The following RGS7 variants were observed in gnomAD, a reference collection of about 807,000 sequenced individuals.
RGS7 encodes regulator of G protein signaling 7, also known as regulator of G-protein signaling 7.
RGS7 carries 27 observed loss-of-function variants against 81.1 expected under a neutral mutation model. That is an observed-to-expected ratio of 0.33 (90% CI 0.25 to 0.46). The LOEUF (loss-of-function observed/expected upper bound fraction) is 0.46, where lower values mean the gene tolerates loss of function less well. Ranked by LOEUF, RGS7 falls within the 20% of genes least tolerant of loss-of-function variation. The pLI, the probability that RGS7 is intolerant of heterozygous loss-of-function variation, is 1.00. For synonymous variants in RGS7, 208 were observed against 207.7 expected, an observed-to-expected ratio of 1.00 and a Z score of -0.01; for missense variants, 396 against 607.4, an observed-to-expected ratio of 0.65 and a Z score of 3.66.
chr1:240,993,113 GGGAAGGAA>G (rs369066835), intron 3 of RGS7, among the ~76,000 whole-genome samples: 15 of 128,570 alleles, frequency 1.2e-4, no homozygotes, highest in East Asian at 2.3e-4. Flanking sequence ...GAGGGAGGGA[GGGAAGGAA>G]GGAAGGAAGG....
intron 2 of RGS7, among the ~76,000 whole-genome samples, chr1:241,173,042 T>C (rs1341849551): frequency 6.6e-6 from 1 of 152,206 alleles, no homozygotes; most frequent in Non-Finnish European, 1.5e-5. Context: ...CACCTTGGTA[T>C]CTTCAATACA....
intron 2 of RGS7, among the ~76,000 whole-genome samples, chr1:241,148,924 C>T (rs954672230): frequency 2.0e-5 from 3 of 152,200 alleles, no homozygotes; most frequent in Non-Finnish European, 4.4e-5. Context: ...CTATGTATTT[C>T]GTTAATGAGC....
At position 241,193,499 on chromosome 1, in the gene RGS7, A is replaced by G. The variant is rs149516893; in HGVS notation, c.79-94737T>C. On this transcript the variant is annotated intron_variant, in intron 2 of 18. Transcript: ENST00000440928. ...GTGTCTCATCTAGCTGATATTATCA[A>G]TCAATTCATCCTGCCTGAATTTATA... Among the ~76,000 whole-genome samples, 109 of 152,370 alleles carry G rather than the reference A, an allele frequency of 7.2e-4. 1 individual carries two copies. The highest frequency in any genetic ancestry group is 2.3e-3 in the African/African-American group (96 of 41,598).
intron 3 of RGS7, among the ~76,000 whole-genome samples, chr1:241,061,375 A>G (rs572516727): frequency 6.6e-6 from 1 of 152,368 alleles, no homozygotes; most frequent in African/African-American, 2.4e-5. Flanking sequence ...CACTGAGGAC[A>G]TCAAGAAAAA....
At chr1:241,041,944 G>A (rs750202989) in intron 3 of RGS7, among the ~76,000 whole-genome samples, 1 of 152,094 alleles carries the variant, frequency 6.6e-6, no homozygotes, top group South Asian at 2.1e-4. Flanking sequence ...CTAGAGCATC[G>A]TGGGCTGGCT....
chr1:241,181,828 A>G (rs2071644232), intron 2 of RGS7, among the ~76,000 whole-genome samples: 1 of 152,120 alleles, frequency 6.6e-6, no homozygotes, highest in African/African-American at 2.4e-5. Flanking sequence ...CCTCCCAAGT[A>G]GCTGGGACTA....
At chr1:241,288,001 T>A (rs1170842790) in intron 2 of RGS7, among the ~76,000 whole-genome samples, 1 of 152,250 alleles carries the variant, frequency 6.6e-6, no homozygotes, top group Admixed American at 6.5e-5. Context: ...TTTTCCCATC[T>A]GGACTAACTG....
intron 2 of RGS7, among the ~76,000 whole-genome samples, chr1:241,339,929 G>T (rs887253400): frequency 6.6e-6 from 1 of 152,060 alleles, no homozygotes; most frequent in African/African-American, 2.4e-5. Context: ...AGGACAGAAA[G>T]GTTTATCACA....
At chr1:241,140,875 G>T (rs2067875396) in intron 2 of RGS7, among the ~76,000 whole-genome samples, 1 of 152,130 alleles carries the variant, frequency 6.6e-6, no homozygotes, top group Admixed American at 6.5e-5. Flanking sequence ...AGTTTCTTCA[G>T]ACATATTTGA....
intron 2 of RGS7, among the ~76,000 whole-genome samples, chr1:241,193,534 T>C (rs765766007): frequency 6.6e-6 from 1 of 152,212 alleles, no homozygotes; most frequent in African/African-American, 2.4e-5. Flanking sequence ...AACACCACAT[T>C]TGGATATAGT....
At position 241,023,735 on chromosome 1, in the gene RGS7, TATTGATTG is replaced by T. The variant is rs139919207; in HGVS notation, c.176-40614_176-40607del. 2.2e-4 allele frequency among the ~76,000 whole-genome samples: 34 copies of T among 152,246 alleles called. No homozygotes were observed. In the East Asian group the frequency reaches 6.4e-3, roughly 29 times the overall value. On this transcript the variant is annotated intron_variant, in intron 3 of 18. Transcript: ENST00000440928. The stretch of plus-strand genomic sequence containing the variant: ...ATTTTTGTTTTTACAATGCTTTTCA[TATTGATTG>T]ATTGATTGATTGATTGATCAAGATG...
rs375343440 is a variant in RGS7, at chr1:241,314,471, CTTA to C, written c.78+41225_78+41227del. Among the ~76,000 whole-genome samples, 26 of 152,274 alleles carry C rather than the reference CTTA, an allele frequency of 1.7e-4. No homozygotes were observed. In the East Asian group the frequency reaches 3.7e-3, roughly 21 times the overall value. ...TTTTTAGCCATAATGTTCTTTGACA[CTTA>C]TTAGACTACAGTGTGGTATAAACTT... On this transcript the variant is annotated intron_variant, in intron 2 of 18. Transcript: ENST00000440928.
intron 1 of RGS7, among the ~76,000 whole-genome samples, chr1:241,356,566 A>G (rs1397438300): frequency 6.6e-6 from 1 of 152,176 alleles, no homozygotes; most frequent in Non-Finnish European, 1.5e-5. Flanking sequence ...ACCGTGGGTA[A>G]AAGCCTAACT....
intron 1 of RGS7, among the ~76,000 whole-genome samples, chr1:241,356,270 T>C (rs2083560538): frequency 6.6e-6 from 1 of 151,996 alleles, no homozygotes; most frequent in Non-Finnish European, 1.5e-5. Context: ...TAGGTATCTG[T>C]CTAGTGTCCC....
At chr1:241,054,245 G>C (rs2061380503) in intron 3 of RGS7, among the ~76,000 whole-genome samples, 1 of 152,198 alleles carries the variant, frequency 6.6e-6, no homozygotes, top group Non-Finnish European at 1.5e-5. Flanking sequence ...TAGTTCAGCA[G>C]AGGAGAAGAC....
intron 2 of RGS7, among the ~76,000 whole-genome samples, chr1:241,188,442 G>C (rs1292107331): frequency 3.3e-5 from 5 of 152,056 alleles, no homozygotes; most frequent in Admixed American, 6.6e-5. Context: ...CAGGAAATAT[G>C]TGCAAGAATA....
intron 3 of RGS7, among the ~76,000 whole-genome samples, chr1:241,058,338 C>A (rs2061577650): frequency 6.6e-6 from 1 of 152,142 alleles, no homozygotes; most frequent in Non-Finnish European, 1.5e-5. Context: ...CGCAGCTCAC[C>A]CCAAGGGAAG....
At chr1:241,219,040 C>T (rs1229314194) in intron 2 of RGS7, among the ~76,000 whole-genome samples, 3 of 152,118 alleles carry the variant, frequency 2.0e-5, no homozygotes, top group African/African-American at 7.2e-5. Context: ...TGCAGTAGTT[C>T]ACCCACTGTC....
chr1:241,145,086 G>A (rs560023150), intron 2 of RGS7, among the ~76,000 whole-genome samples: 4 of 151,374 alleles, frequency 2.6e-5, no homozygotes, highest in South Asian at 2.1e-4. Flanking sequence ...GCACGATCTC[G>A]GCTCACTTCC....
Sources: gnomAD v4.1 joint callset for allele counts (sites outside exome capture counted in the v4.1 genomes callset) on GRCh38, gnomAD v4.1.1 for gene constraint, MANE v1.5 for transcripts, NCBI Gene and HGNC (gene_info 2026-07-23, HGNC 2026-07-21) for gene names.